SEMA3E: variants seen among roughly 807,000 people sequenced by gnomAD.
The protein encoded by SEMA3E is semaphorin 3E, also known as semaphorin-3E.
In SEMA3E, 49 loss-of-function variants were observed where a neutral mutation model predicts 93.6. The ratio of observed to expected loss-of-function variants is 0.52; its 90% confidence interval spans 0.42 to 0.66. The LOEUF is 0.66. Among genes scored for constraint, SEMA3E ranks in the 30% least tolerant of loss-of-function variants. The probability of loss-of-function intolerance (pLI) is 0.00; values close to 1 mark genes in which losing one functional copy is unlikely to be tolerated. For synonymous variants in SEMA3E, 363 were observed against 330.7 expected, an observed-to-expected ratio of 1.10 and a Z score of -1.06; for missense variants, 906 against 964.8, an observed-to-expected ratio of 0.94 and a Z score of 0.81.
rs754284987 is a variant in SEMA3E at position 83,367,835 on chromosome 7, C to T, written c.2079G>A (p.Arg693=). The T allele has an allele frequency of 5.6e-6, 9 of 1,613,616 alleles. No homozygotes were observed. The African/African-American group carries it at 9.3e-5, about 17-fold the overall frequency. Residue 693 remains arginine (R), a synonymous_variant, in exon 17 of 17, where the codon AGG becomes AGA. Coordinates refer to ENST00000643230, the MANE Select transcript of SEMA3E (RefSeq NM_012431.3). The stretch of plus-strand genomic sequence containing the variant: ...TGCTACTCTGAGCAGGACAAGGCAT[C>T]CTGTGATGCCTGTCCTCCTCATCGT... ...NKDDEEDRHH[R]MPCPAQSSIS... is the part of the protein sequence containing the mutation.
chr7:83,563,170 G>C (rs534628055), intron 1 of SEMA3E, among the ~76,000 whole-genome samples: 4 of 152,064 alleles, frequency 2.6e-5, no homozygotes, highest in Non-Finnish European at 4.4e-5. Flanking sequence ...AATCAAGAAG[G>C]TTATCACAGA....
chr7:83,478,473 A>T (rs376602165), intron 2 of SEMA3E, among the ~76,000 whole-genome samples: 1 of 152,302 alleles, frequency 6.6e-6, no homozygotes, highest in African/African-American at 2.4e-5. Flanking sequence ...AATAATTTTG[A>T]CTTATTTTTT....
At chr7:83,558,791 A>C (rs1791970452) in intron 1 of SEMA3E, among the ~76,000 whole-genome samples, 1 of 152,136 alleles carries the variant, frequency 6.6e-6, no homozygotes, top group African/African-American at 2.4e-5. Context: ...GGAATAACTA[A>C]TAGTGTGTCA....
intron 1 of SEMA3E, among the ~76,000 whole-genome samples, chr7:83,520,354 C>T (rs1401472392): frequency 6.6e-6 from 1 of 152,066 alleles, no homozygotes; most frequent in African/African-American, 2.4e-5. Flanking sequence ...AGGAAAGTAC[C>T]TTGGAGAGAA....
At chr7:83,596,301 T>C (rs1792870629) in intron 1 of SEMA3E, among the ~76,000 whole-genome samples, 1 of 151,970 alleles carries the variant, frequency 6.6e-6, no homozygotes, top group African/African-American at 2.4e-5. Context: ...TGCTCTAGAT[T>C]CATCTTATAT....
chr7:83,376,913 T>C (rs1389702756), intron 16 of SEMA3E, among the ~76,000 whole-genome samples: 3 of 151,782 alleles, frequency 2.0e-5, no homozygotes, highest in Non-Finnish European at 2.9e-5. Flanking sequence ...AATTCTTTCA[T>C]GCTTACCAAA....
intron 1 of SEMA3E, among the ~76,000 whole-genome samples, chr7:83,575,023 A>G (rs1792370348): frequency 6.6e-6 from 1 of 152,204 alleles, no homozygotes; most frequent in Non-Finnish European, 1.5e-5. Context: ...TTGATGAGAA[A>G]TCAAACAAGT....
intron 11 of SEMA3E, among the ~76,000 whole-genome samples, chr7:83,397,103 C>T (rs1297247239): frequency 1.3e-5 from 2 of 150,736 alleles, no homozygotes; most frequent in Non-Finnish European, 3.0e-5. Flanking sequence ...AAAGTAGCGA[C>T]TATAAATTCA....
At chr7:83,484,041 C>A (rs117370000) in intron 2 of SEMA3E, among the ~76,000 whole-genome samples, 2,325 of 152,230 alleles carry the variant, frequency 0.015, 23 homozygotes, top group Middle Eastern at 0.024. Context: ...TCTGTGAAAT[C>A]CTTTGGAATG....
At chr7:83,547,559 G>A (rs1280050999) in intron 1 of SEMA3E, among the ~76,000 whole-genome samples, 3 of 152,088 alleles carry the variant, frequency 2.0e-5, no homozygotes, top group African/African-American at 7.2e-5. Flanking sequence ...TAGTTTAGTT[G>A]AGCTGGTCCG....
intron 16 of SEMA3E, among the ~76,000 whole-genome samples, chr7:83,380,083 A>C (rs1787747145): frequency 6.6e-6 from 1 of 151,870 alleles, no homozygotes; most frequent in East Asian, 1.9e-4. Flanking sequence ...TAACTCAACA[A>C]CTTTCTCCCA....
intron 1 of SEMA3E, among the ~76,000 whole-genome samples, chr7:83,507,238 G>T (rs1220287752): frequency 6.6e-6 from 1 of 152,064 alleles, no homozygotes; most frequent in East Asian, 1.9e-4. Context: ...AAAAATCCAT[G>T]TAAAATTGAG....
rs577788632 is a variant in SEMA3E, at chr7:83,398,229, T to C, written c.1367-1500A>G. 2.6e-5 allele frequency among the ~76,000 whole-genome samples: 4 copies of C among 152,256 alleles called. No homozygotes were observed. In the South Asian group the frequency reaches 8.3e-4, roughly 32 times the overall value. Reference sequence around the variant, plus strand: ...AATTCTCTGGAATTACTTTGATCAATATGACAAGCAAGTATTTCTAAAAAC... The same window carrying C: ...AATTCTCTGGAATTACTTTGATCAACATGACAAGCAAGTATTTCTAAAAAC... On this transcript the variant is annotated intron_variant, in intron 11 of 16. Coordinates refer to ENST00000643230, the MANE Select transcript of SEMA3E (RefSeq NM_012431.3).
At chr7:83,454,273 ATATAT>A (rs374662834) in intron 4 of SEMA3E, among the ~76,000 whole-genome samples, 11,989 of 98,138 alleles carry the variant, frequency 0.12, 1,154 homozygotes, top group Middle Eastern at 0.15. Context: ...AAAAAAAAAA[ATATAT>A]ATATATATAT....
At chr7:83,567,927 G>C (rs1400961550) in intron 1 of SEMA3E, among the ~76,000 whole-genome samples, 3 of 151,534 alleles carry the variant, frequency 2.0e-5, no homozygotes, top group African/African-American at 7.3e-5. Flanking sequence ...ACAAAATAGA[G>C]AGTAAAATAT....
intron 1 of SEMA3E, among the ~76,000 whole-genome samples, chr7:83,517,337 G>A (rs915207376): frequency 1.3e-5 from 2 of 152,156 alleles, no homozygotes; most frequent in Non-Finnish European, 2.9e-5. Context: ...CTGTCACTTG[G>A]AGAGATTTGT....
intron 4 of SEMA3E, among the ~76,000 whole-genome samples, chr7:83,433,020 CTGAG>C (rs771215599): frequency 6.6e-6 from 1 of 152,096 alleles, no homozygotes; most frequent in Non-Finnish European, 1.5e-5. Context: ...TGATATCTTT[CTGAG>C]TGTTTGGACT....
At chr7:83,413,879 C>A (rs1034399722) in intron 5 of SEMA3E, among the ~76,000 whole-genome samples, 2 of 152,136 alleles carry the variant, frequency 1.3e-5, no homozygotes, top group African/African-American at 4.8e-5. Context: ...AGGGTTAAAA[C>A]AGATTCTCAA....
rs777108802 is a variant in SEMA3E at position 83,408,361 on chromosome 7, T to A, written c.670+7A>T. On this transcript the variant is annotated splice_region_variant and intron_variant, in intron 6 of 16. Transcript: ENST00000643230. ...CCTAATTCACATACTCTTTTCCTCATCCTTACCTTTCAACAGACGCTCATC... is the reference window on the plus strand; with the variant it reads ...CCTAATTCACATACTCTTTTCCTCAACCTTACCTTTCAACAGACGCTCATC... The A allele has an allele frequency of 2.5e-6, 4 of 1,613,546 alleles. No individual in the cohort carries two copies. The highest frequency in any genetic ancestry group is 1.1e-5 in the South Asian group (1 of 91,074).
Sources: gnomAD v4.1 joint callset for allele counts (sites outside exome capture counted in the v4.1 genomes callset) on GRCh38, gnomAD v4.1.1 for gene constraint, MANE v1.5 for transcripts, NCBI Gene and HGNC (gene_info 2026-07-23, HGNC 2026-07-21) for gene names.